FARP2: variants seen among roughly 807,000 people sequenced by gnomAD.
The protein encoded by FARP2 is FERM, ARHGEF and pleckstrin domain-containing protein 2.
FARP2 carries 111 observed loss-of-function variants against 130.5 expected under a neutral mutation model. The observed-to-expected ratio is 0.85, with a 90% CI of 0.73 to 1.00. FARP2 has a LOEUF of 1.00. Among genes scored for constraint, FARP2 ranks in the 50% least tolerant of loss-of-function variants. The pLI is 0.00. For synonymous variants in FARP2, 504 were observed against 516.9 expected (o/e 0.98, Z 0.34); for missense variants, 1,385 against 1,346.3 (o/e 1.03, Z -0.45).
rs184108114 is a variant in FARP2, at chr2:241,431,826, A to T, written c.867+52A>T. The stretch of plus-strand genomic sequence containing the variant: ...TTTATTTTATTTTATTTATTTATTT[A>T]TTTATTTTTTTGAGACGGAGTTTCG... On this transcript the variant is annotated intron_variant, in intron 9 of 26. Coordinates refer to ENST00000264042, the MANE Select transcript of FARP2 (RefSeq NM_014808.4). 9.4e-3 allele frequency: 6,353 copies of T among 673,842 alleles called. 292 individuals are homozygous for T. The African/African-American group carries it at 0.11, about 11-fold the overall frequency. The allele number at this position is 673,842 out of a possible 1,614,324, so 41.7% of individuals were successfully genotyped here. A position where few individuals can be genotyped will look rare whatever the true frequency, so the allele number is the denominator to read the frequency against.
chr2:241,473,009 C>T (rs2064359948), intron 18 of FARP2, among the ~76,000 whole-genome samples: 1 of 141,834 alleles, frequency 7.1e-6, no homozygotes, highest in African/African-American at 2.6e-5. Flanking sequence ...GGGGCTGCTG[C>T]TCTATGTGGC....
rs185790566 is a variant in FARP2 at position 241,434,081 on chromosome 2, G to T, written c.868-77G>T. The T allele has an allele frequency of 1.2e-5, 13 of 1,125,904 alleles. No individual in the cohort carries two copies. In the Admixed American group the frequency reaches 1.7e-4, roughly 15 times the overall value. The allele number at this position is 1,125,904 out of a possible 1,614,324, so 69.7% of individuals were successfully genotyped here. On this transcript the variant is annotated intron_variant, in intron 9 of 26. Coordinates refer to ENST00000264042, the MANE Select transcript of FARP2 (RefSeq NM_014808.4). ...TTAATTTTGGAATTCCCTATCGTGT[G>T]ATCTGCTTCCTAAATGTACTTTCTC...
chr2:241,411,882 T>C (rs1414357511), intron 6 of FARP2, among the ~76,000 whole-genome samples: 1 of 152,216 alleles, frequency 6.6e-6, no homozygotes, highest in Non-Finnish European at 1.5e-5. Flanking sequence ...TTATTATGGG[T>C]TTGCTATCCT....
At position 241,423,833 on chromosome 2, in the gene FARP2, CT is replaced by C. The variant is rs540238849; in HGVS notation, c.771+5727del. On this transcript the variant is annotated intron_variant, in intron 8 of 26. Transcript: ENST00000264042. ...CAATCCTAGTTTCTGACAGAACAGA[CT>C]TTAAAGCAACAAAGATTAAAAAAGA... is the stretch of plus-strand genomic sequence containing the variant. Among the ~76,000 whole-genome samples the C allele has an allele frequency of 4.8e-3, 733 of 152,230 alleles. 5 individuals carry two copies. Among genetic ancestry groups the C allele is most frequent in the African/African-American group, 0.017 (711 of 41,526 alleles).
chr2:241,383,099 C>G (rs1053290513), intron 2 of FARP2, among the ~76,000 whole-genome samples: 1 of 152,178 alleles, frequency 6.6e-6, no homozygotes, highest in Admixed American at 6.5e-5. Context: ...GGGCTGTGCT[C>G]ACCCCAACAG....
intron 2 of FARP2, among the ~76,000 whole-genome samples, chr2:241,398,419 GTGT>G (rs1490601951): frequency 2.0e-5 from 3 of 152,204 alleles, no homozygotes; most frequent in Non-Finnish European, 4.4e-5. Flanking sequence ...AAAATTATCA[GTGT>G]TGTTGGTATA....
intron 13 of FARP2, among the ~76,000 whole-genome samples, chr2:241,448,192 C>A (rs938326280): frequency 3.3e-4 from 50 of 152,194 alleles, no homozygotes; most frequent in Admixed American, 1.4e-3. Context: ...ACTTACCCCC[C>A]CTACATCATG....
At chr2:241,430,553 T>C (rs2063064968) in intron 8 of FARP2, among the ~76,000 whole-genome samples, 1 of 152,202 alleles carries the variant, frequency 6.6e-6, no homozygotes, top group African/African-American at 2.4e-5. Context: ...TGTTACACTC[T>C]AGCACTGTGT....
Position 241,493,382 on chromosome 2 carries a change from C to A in FARP2, c.2985C>A (p.Phe995Leu), listed in dbSNP as rs754098632. 1 of 1,613,884 alleles carries A rather than the reference C, an allele frequency of 6.2e-7. No individual in the cohort carries two copies. Among genetic ancestry groups the A allele is most frequent in the South Asian group, 1.1e-5 (1 of 91,090 alleles). The change falls in exon 26 of 27, where the codon TTC (phenylalanine) becomes TTA (leucine). Residue 995 changes from phenylalanine to leucine, a missense_variant. Coordinates refer to ENST00000264042, the MANE Select transcript of FARP2 (RefSeq NM_014808.4). ...EADGIHKDYV[F>L]KLQFKSHVYF... Reference sequence around the variant, plus strand: ...ATGGCATACACAAAGACTATGTTTTCAAGCTCCAGTTCAAATCCCACGTCT... The same window carrying A: ...ATGGCATACACAAAGACTATGTTTTAAAGCTCCAGTTCAAATCCCACGTCT...
chr2:241,471,702 A>G (rs2064313796), intron 18 of FARP2, among the ~76,000 whole-genome samples: 2 of 151,906 alleles, frequency 1.3e-5, no homozygotes, highest in African/African-American at 4.8e-5. Context: ...TCACCGTGTT[A>G]GCCAGGATGG....
chr2:241,409,015 A>C (rs1195805345), intron 5 of FARP2, among the ~76,000 whole-genome samples: 1 of 145,956 alleles, frequency 6.9e-6, no homozygotes, highest in African/African-American at 2.6e-5. Flanking sequence ...TCACTTTTAA[A>C]TAGAGATAGA....
At chr2:241,364,560 A>G (rs2061261315) in intron 1 of FARP2, among the ~76,000 whole-genome samples, 4 of 152,270 alleles carry the variant, frequency 2.6e-5, no homozygotes, top group Admixed American at 6.5e-5. Flanking sequence ...AAAACTTTAT[A>G]AAGCCCCTAT....
intron 2 of FARP2, among the ~76,000 whole-genome samples, chr2:241,391,293 G>A (rs1251451269): frequency 6.6e-6 from 1 of 152,182 alleles, no homozygotes; most frequent in Non-Finnish European, 1.5e-5. Flanking sequence ...TTAGTAGCAG[G>A]TTGCTTCTTT....
chr2:241,367,416 T>C (rs763392150), intron 1 of FARP2, among the ~76,000 whole-genome samples: 4 of 152,154 alleles, frequency 2.6e-5, no homozygotes, highest in African/African-American at 4.8e-5. Context: ...TAGTTCCTTA[T>C]TCTAAAAGTT....
intron 5 of FARP2, among the ~76,000 whole-genome samples, chr2:241,410,691 A>G (rs1465161159): frequency 6.6e-6 from 1 of 152,052 alleles, no homozygotes; most frequent in Non-Finnish European, 1.5e-5. Context: ...CAGCCTCCCA[A>G]AGTGCTGGGA....
intron 14 of FARP2, 92 bp downstream of exon 14, chr2:241,457,014 G>T (rs900724435): frequency 1.6e-6 from 2 of 1,224,912 alleles, no homozygotes; most frequent in Non-Finnish European, 2.2e-6. Context: ...GGACCCTGGG[G>T]CGGGGCAGGG....
At chr2:241,356,717 G>T (rs968231543) in intron 1 of FARP2, among the ~76,000 whole-genome samples, 3 of 151,948 alleles carry the variant, frequency 2.0e-5, no homozygotes, top group Admixed American at 2.0e-4. Flanking sequence ...AGTGTCCCGC[G>T]TGGACTCGCG....
At chr2:241,406,071 A>G (rs1237580467) in intron 4 of FARP2, among the ~76,000 whole-genome samples, 3 of 152,150 alleles carry the variant, frequency 2.0e-5, no homozygotes, top group African/African-American at 7.2e-5. Context: ...TGGGAGGCCA[A>G]GGTGGGCAGA....
At chr2:241,473,114 G>T (rs1409252074) in intron 18 of FARP2, among the ~76,000 whole-genome samples, 1 of 151,508 alleles carries the variant, frequency 6.6e-6, no homozygotes, top group Admixed American at 6.6e-5. Context: ...CTGTTCTGTG[G>T]GGATCCTGTT....
Sources: gnomAD v4.1 joint callset for allele counts (sites outside exome capture counted in the v4.1 genomes callset) on GRCh38, gnomAD v4.1.1 for gene constraint, MANE v1.5 for transcripts, NCBI Gene and HGNC (gene_info 2026-07-23, HGNC 2026-07-21) for gene names.